Variants in MTUS2 observed in about 807,000 individuals in gnomAD.
MTUS2 encodes microtubule associated scaffold protein 2, also known as microtubule-associated tumor suppressor candidate 2.
In MTUS2, 40 loss-of-function variants were observed where a neutral mutation model predicts 114.1. The ratio of observed to expected loss-of-function variants is 0.35; its 90% confidence interval spans 0.27 to 0.46. MTUS2 has a LOEUF of 0.46. Among genes scored for constraint, MTUS2 ranks in the 20% least tolerant of loss-of-function variants. MTUS2 has a pLI of 1.00. For synonymous variants in MTUS2, 688 were observed against 672.0 expected, an observed-to-expected ratio of 1.02 and a Z score of -0.37; for missense variants, 1,679 against 1,705.4, an observed-to-expected ratio of 0.98 and a Z score of 0.27.
At position 29,389,473 on chromosome 13, in the gene MTUS2, G is replaced by GTGTGTGTATGTGTATATA. The variant is rs1873015426; in HGVS notation, c.3117+30001_3117+30002insGTGTGTATGTGTATATAT. On this transcript the variant is annotated intron_variant, in intron 8 of 15. Transcript: ENST00000612955. ...TATACACGTGTGTGTATGTGTATAT[G>GTGTGTGTATGTGTATATA]TATACACGTGTGTGTATGTGTATAT... is the stretch of plus-strand genomic sequence containing the variant. Among the ~76,000 whole-genome samples the GTGTGTGTATGTGTATATA allele has an allele frequency of 1.4e-5, 2 of 142,756 alleles. 1 individual carries two copies. The highest frequency in any genetic ancestry group is 5.3e-5 in the African/African-American group (2 of 37,906). 93.7% of individuals were successfully genotyped at this position (142,756 alleles called of 152,430 possible).
chr13:29,428,216 A>G (rs1421369135), intron 8 of MTUS2, among the ~76,000 whole-genome samples: 1 of 152,286 alleles, frequency 6.6e-6, no homozygotes, highest in Admixed American at 6.5e-5. Context: ...TTAGCAACAA[A>G]TATTCTGAGA....
rs1167716573 is a variant in MTUS2, at chr13:29,026,357, C to T, written c.1659C>T (p.Ser553=). 2.5e-6 allele frequency: 4 copies of T among 1,613,990 alleles called. No homozygotes were observed. The highest frequency in any genetic ancestry group is 3.4e-6 in the Non-Finnish European group (4 of 1,179,882). ...NMTYQPTTPS[S]SFQDVSVFGM... ...CCTACCAGCCTACAACACCCAGTAG[C>T]AGTTTTCAGGATGTTAGCGTGTTCG... is the stretch of plus-strand genomic sequence containing the variant. Residue 553 remains serine (S), a synonymous_variant, in exon 3 of 16, where the codon AGC becomes AGT. Transcript: ENST00000612955.
chr13:29,211,275 T>G (rs1319695196), intron 5 of MTUS2, among the ~76,000 whole-genome samples: 1 of 152,194 alleles, frequency 6.6e-6, no homozygotes, highest in African/African-American at 2.4e-5. Flanking sequence ...GTGACAGGCC[T>G]TACCCAATGC....
intron 9 of MTUS2, among the ~76,000 whole-genome samples, chr13:29,458,429 A>G (rs2138777194): frequency 6.6e-6 from 1 of 152,350 alleles, no homozygotes; most frequent in African/African-American, 2.4e-5. Flanking sequence ...CGTAAGCTAT[A>G]ATTCATGAAC....
chr13:29,259,797 C>T (rs1042655976), intron 5 of MTUS2, among the ~76,000 whole-genome samples: 1 of 152,232 alleles, frequency 6.6e-6, no homozygotes, highest in African/African-American at 2.4e-5. Context: ...CATAAACTTT[C>T]AGAGGCCAGG....
chr13:29,167,489 G>A (rs897410036), intron 5 of MTUS2, among the ~76,000 whole-genome samples: 1 of 150,134 alleles, frequency 6.7e-6, no homozygotes, highest in African/African-American at 2.5e-5. Context: ...AAGTTGAATT[G>A]TAATGCAATC....
At chr13:29,207,496 G>T (rs143775681) in intron 5 of MTUS2, among the ~76,000 whole-genome samples, 18 of 152,174 alleles carry the variant, frequency 1.2e-4, no homozygotes, top group African/African-American at 1.7e-4. Flanking sequence ...ATCCTTGACT[G>T]GTTCCAGTTC....
chr13:29,217,454 A>G (rs1895726115), intron 5 of MTUS2, among the ~76,000 whole-genome samples: 1 of 152,170 alleles, frequency 6.6e-6, no homozygotes, highest in South Asian at 2.1e-4. Flanking sequence ...ACTATAGTCT[A>G]TTAAGTGTGC....
At chr13:28,973,812 C>T (rs575301009) in intron 2 of MTUS2, among the ~76,000 whole-genome samples, 111 of 152,224 alleles carry the variant, frequency 7.3e-4, no homozygotes, top group African/African-American at 2.6e-3. Flanking sequence ...AGAAGGCAGG[C>T]GAGAAATAGC....
chr13:29,142,304 T>A (rs1892256512), intron 5 of MTUS2, among the ~76,000 whole-genome samples: 1 of 152,194 alleles, frequency 6.6e-6, no homozygotes, highest in African/African-American at 2.4e-5. Flanking sequence ...TATGTCTGAT[T>A]CAGTATATTT....
chr13:29,331,298 CTT>C (rs761611204), intron 7 of MTUS2, among the ~76,000 whole-genome samples: 11 of 152,118 alleles, frequency 7.2e-5, no homozygotes, highest in Non-Finnish European at 1.6e-4. Context: ...TATCCTGAGA[CTT>C]TGGTGAAGTT....
intron 9 of MTUS2, among the ~76,000 whole-genome samples, chr13:29,442,175 G>A (rs575864120): frequency 3.3e-5 from 5 of 152,274 alleles, no homozygotes; most frequent in African/African-American, 1.2e-4. Flanking sequence ...TGACACTGTG[G>A]GGGCAGCTCA....
At chr13:28,896,979 G>A (rs891476860) in intron 2 of MTUS2, among the ~76,000 whole-genome samples, 5 of 152,190 alleles carry the variant, frequency 3.3e-5, no homozygotes, top group African/African-American at 4.8e-5. Flanking sequence ...TACCATTCGG[G>A]ACATAGGCAT....
intron 5 of MTUS2, among the ~76,000 whole-genome samples, chr13:29,243,258 A>G (rs1311427009): frequency 1.3e-5 from 2 of 152,142 alleles, no homozygotes; most frequent in Admixed American, 1.3e-4. Flanking sequence ...GGGGAGCACC[A>G]GTGTGCACAG....
At chr13:29,428,952 A>AAGCC (rs1280898739) in intron 8 of MTUS2, 13 of 1,585,278 alleles carry the variant, frequency 8.2e-6, no homozygotes, top group Non-Finnish European at 1.1e-5. Flanking sequence ...GGCAGAGAGA[A>AAGCC]AGCCGTGAGC....
intron 5 of MTUS2, among the ~76,000 whole-genome samples, chr13:29,117,877 G>T (rs565257679): frequency 1.3e-5 from 2 of 152,260 alleles, no homozygotes; most frequent in African/African-American, 4.8e-5. Context: ...GGAGACTTCT[G>T]TTGCCACTTG....
At chr13:29,128,825 T>A (rs1419191326) in intron 5 of MTUS2, among the ~76,000 whole-genome samples, 1 of 152,200 alleles carries the variant, frequency 6.6e-6, no homozygotes, top group Non-Finnish European at 1.5e-5. Context: ...CATGTCTGGG[T>A]GTTTTGATCA....
At chr13:29,392,137 A>AC (rs2138443722) in intron 8 of MTUS2, among the ~76,000 whole-genome samples, 1 of 45,196 alleles carries the variant, frequency 2.2e-5, no homozygotes, top group East Asian at 8.6e-4. Flanking sequence ...CAAAAAAAAA[A>AC]AAACAAACCA....
chr13:28,889,610 C>T (rs1169232045), intron 2 of MTUS2, among the ~76,000 whole-genome samples: 2 of 152,084 alleles, frequency 1.3e-5, no homozygotes, highest in East Asian at 1.9e-4. Context: ...TGCTTTATGA[C>T]GCATGCTGAA....
Sources: allele counts gnomAD v4.1 joint callset (sites outside exome capture counted in the v4.1 genomes callset), GRCh38; gene constraint gnomAD v4.1.1; transcripts MANE v1.5; gene names NCBI Gene and HGNC (gene_info 2026-07-23, HGNC 2026-07-21).